The following GNAL variants were observed in gnomAD, a reference collection of about 807,000 sequenced individuals.
GNAL encodes the protein guanine nucleotide-binding protein G(olf) subunit alpha.
GNAL carries 18 observed loss-of-function variants against 55.1 expected under a neutral mutation model. The ratio of observed to expected loss-of-function variants is 0.33; its 90% CI spans 0.23 to 0.48. GNAL has a LOEUF of 0.48. GNAL is among the 20% of genes least tolerant of loss of function. GNAL has a pLI of 0.99. For synonymous variants in GNAL, 253 were observed against 237.0 expected (o/e 1.07, Z -0.62); for missense variants, 412 against 614.1 (o/e 0.67, Z 3.48).
chr18:11,877,322 GCA>G lies in GNAL; in HGVS notation c.1230+635_1230+636del, dbSNP rs1567906798. Among the ~76,000 whole-genome samples, 333 of 152,224 alleles carry G rather than the reference GCA, an allele frequency of 2.2e-3. 1 individual carries two copies. The highest frequency in any genetic ancestry group is 7.7e-3 in the African/African-American group (319 of 41,540). ...TACAAAAAATTAGCTGGGTGTGGTG[GCA>G]TGCGCCTGTAATCCCAGCTACTCTG... On this transcript the variant is annotated intron_variant, in intron 11 of 11. Coordinates refer to ENST00000334049, the MANE Select transcript of GNAL (RefSeq NM_182978.4).
At chr18:11,804,912 G>T (rs2034614213) in intron 4 of GNAL, among the ~76,000 whole-genome samples, 1 of 146,508 alleles carries the variant, frequency 6.8e-6, no homozygotes, top group South Asian at 2.2e-4. Context: ...CAGTACAGGT[G>T]CAGTTTGGGT....
intron 1 of GNAL, among the ~76,000 whole-genome samples, chr18:11,694,261 C>T (rs1214624191): frequency 1.3e-5 from 2 of 152,154 alleles, no homozygotes; most frequent in African/African-American, 4.8e-5. Context: ...AAAGGTTTAA[C>T]TCCCTGTGTC....
At chr18:11,705,750 CTTTTTTTT>C (rs749198189) in intron 1 of GNAL, among the ~76,000 whole-genome samples, 1 of 118,368 alleles carries the variant, frequency 8.4e-6, no homozygotes, top group Non-Finnish European at 1.8e-5. Context: ...ATTTCTATGT[CTTTTTTTT>C]TTTTTTTTTT....
chr18:11,695,891 T>G (rs1455490112), intron 1 of GNAL, among the ~76,000 whole-genome samples: 1 of 151,192 alleles, frequency 6.6e-6, no homozygotes, highest in South Asian at 2.1e-4. Flanking sequence ...AAGTGCCTGG[T>G]GCACACATGC....
Position 11,751,765 on chromosome 18 carries a change from G to A in GNAL, c.377-1088G>A. The A allele has an allele frequency of 5.0e-6, 3 of 604,930 alleles. No homozygotes were observed. The highest frequency in any genetic ancestry group is 6.2e-6 in the Non-Finnish European group (3 of 481,670). The allele number at this position is 604,930 out of a possible 1,614,324, so 37.5% of individuals were successfully genotyped here. A position where few individuals can be genotyped will look rare whatever the true frequency, so the allele number is the denominator to read the frequency against. On this transcript the variant is annotated intron_variant, in intron 1 of 11. Transcript: ENST00000334049. The surrounding 1 kb of genome is among the most constrained non-coding windows in gnomAD (Gnocchi z 4.5). Reference sequence around the variant, plus strand: ...GTCAGCTCCCTGACCCCTACAGCGCGGTAGCGCCTCTCCGAGAGCTCCGGG... The same window carrying A: ...GTCAGCTCCCTGACCCCTACAGCGCAGTAGCGCCTCTCCGAGAGCTCCGGG...
chr18:11,714,462 A>G (rs1271031074), intron 1 of GNAL, among the ~76,000 whole-genome samples: 1 of 152,160 alleles, frequency 6.6e-6, no homozygotes. Flanking sequence ...GGAGGGGTAG[A>G]GGTATGTTAA....
At chr18:11,858,661 CT>C (rs2143820686) in intron 5 of GNAL, among the ~76,000 whole-genome samples, 1 of 152,342 alleles carries the variant, frequency 6.6e-6, no homozygotes, top group East Asian at 1.9e-4. Flanking sequence ...CTTAGAAAGT[CT>C]TTCAAAGAAT....
At chr18:11,847,319 A>G (rs1202887788) in intron 5 of GNAL, among the ~76,000 whole-genome samples, 2 of 152,104 alleles carry the variant, frequency 1.3e-5, no homozygotes, top group African/African-American at 4.8e-5. Flanking sequence ...AACATTTCAA[A>G]ATCACCAGAA....
At chr18:11,779,789 C>G (rs771656471) in intron 4 of GNAL, among the ~76,000 whole-genome samples, 3 of 152,204 alleles carry the variant, frequency 2.0e-5, no homozygotes, top group Non-Finnish European at 4.4e-5. Flanking sequence ...AATTTATCCA[C>G]CAAACTTTTG....
rs560522325 is a variant in GNAL, at chr18:11,807,907, C to G, written c.625-17011C>G. Among the ~76,000 whole-genome samples the G allele has an allele frequency of 1.9e-3, 293 of 152,128 alleles. 1 individual carries two copies. The highest frequency in any genetic ancestry group is 6.8e-3 in the African/African-American group (283 of 41,500). On this transcript the variant is annotated intron_variant, in intron 4 of 11. Coordinates refer to ENST00000334049, the MANE Select transcript of GNAL (RefSeq NM_182978.4). ...ACGGGGAGGGTGTAGTCAGCCCTGTCAGGTGCTAATGATGAGCCAGGTCAG... is the reference window on the plus strand; with the variant it reads ...ACGGGGAGGGTGTAGTCAGCCCTGTGAGGTGCTAATGATGAGCCAGGTCAG...
intron 4 of GNAL, among the ~76,000 whole-genome samples, chr18:11,793,708 A>C (rs1458659815): frequency 1.3e-5 from 2 of 152,006 alleles, no homozygotes; most frequent in Non-Finnish European, 2.9e-5. Flanking sequence ...GGCAGATCAC[A>C]AGGTCAGGAG....
intron 1 of GNAL, among the ~76,000 whole-genome samples, chr18:11,704,099 A>G (rs1285934955): frequency 6.6e-6 from 1 of 152,220 alleles, no homozygotes; most frequent in African/African-American, 2.4e-5. Context: ...CCTGTTATTC[A>G]ACCCACAATA....
chr18:11,863,710 G>A (rs1363832111), intron 6 of GNAL, among the ~76,000 whole-genome samples: 1 of 152,132 alleles, frequency 6.6e-6, no homozygotes, highest in South Asian at 2.1e-4. Flanking sequence ...GTGAGGCTGC[G>A]TGGCTTTCTC....
rs1190371924 is a variant in GNAL at position 11,881,094 on chromosome 18, A to G, written c.1336A>G (p.Ile446Val). The G allele has an allele frequency of 6.2e-7, 1 of 1,613,012 alleles. No individual in the cohort carries two copies. The highest frequency in any genetic ancestry group is 1.7e-5 in the Admixed American group (1 of 59,862). Residue 446 changes from isoleucine to valine, a missense_variant, in exon 12 of 12, where the codon ATC (isoleucine) becomes GTC (valine). Physicochemically the swap from Ile to Val is conservative, Grantham distance 29 (BLOSUM62 3). Around this residue, in one of 5 missense-constraint regions of GNAL, gnomAD observed 79 missense variants for 127.1 expected, o/e 0.62. Transcript: ENST00000334049. This position sits in a 1 kb window ranked among gnomAD's most constrained non-coding sequence, Gnocchi z 4.8. ...IRRVFNDCRDIIQRMHLKQYE... is the reference protein window; with the variant it reads ...IRRVFNDCRDVIQRMHLKQYE... ...CAGGGTGTTCAACGACTGCCGCGAC[A>G]TCATCCAGCGGATGCACCTCAAGCA...
At chr18:11,862,572 T>G (rs1567898877) in intron 6 of GNAL, 123 bp downstream of exon 6, 2 of 766,438 alleles carry the variant, frequency 2.6e-6, no homozygotes, top group African/African-American at 3.4e-5. Context: ...TTTTGCAAAT[T>G]GTTTGTACTG....
At chr18:11,851,424 A>T (rs999629322) in intron 5 of GNAL, 1 of 1,415,174 alleles carries the variant, frequency 7.1e-7, no homozygotes, top group African/African-American at 1.4e-5. Flanking sequence ...AAAACAAAGG[A>T]GCGGCGGCCG....
At chr18:11,816,594 A>C (rs1284572900) in intron 4 of GNAL, among the ~76,000 whole-genome samples, 1 of 151,908 alleles carries the variant, frequency 6.6e-6, no homozygotes, top group Non-Finnish European at 1.5e-5. Flanking sequence ...GTACCCGGCC[A>C]CTCTAATTTT....
chr18:11,730,103 G>A (rs1021062341), intron 1 of GNAL, among the ~76,000 whole-genome samples: 3 of 150,742 alleles, frequency 2.0e-5, no homozygotes, highest in East Asian at 1.9e-4. Context: ...GCGCTATCTC[G>A]GCTCACTGCA....
In GNAL at chr18:11,884,964, T is replaced by G. The variant is rs1010344838; in HGVS notation, c.*3829T>G. ...AGAGATTCAGAGAGGCACCGTGGAG[T>G]TCCAGGGTCATCGGTCAGCGAGGAA... On this transcript the variant is annotated 3_prime_UTR_variant, in exon 12 of 12. Coordinates refer to ENST00000334049, the MANE Select transcript of GNAL (RefSeq NM_182978.4). The G allele has an allele frequency of 3.1e-6, 4 of 1,302,742 alleles. No individual in the cohort carries two copies. The highest frequency in any genetic ancestry group is 2.1e-4 in the Middle Eastern group (1 of 4,738). 80.7% of individuals were successfully genotyped at this position (1,302,742 alleles called of 1,614,324 possible). A position where few individuals can be genotyped will look rare whatever the true frequency, so the allele number is the denominator to read the frequency against.
Sources: gnomAD v4.1 joint callset for allele counts (sites outside exome capture counted in the v4.1 genomes callset) on GRCh38, gnomAD v4.1.1 for gene constraint, gnomAD v4.1.1 regional missense constraint, Gnocchi (gnomAD v3.1) non-coding constraint, MANE v1.5 for transcripts, NCBI Gene and HGNC (gene_info 2026-07-23, HGNC 2026-07-21) for gene names.